The following TTLL5 variants were observed in gnomAD, a reference collection of about 807,000 sequenced individuals.
The protein encoded by TTLL5 is tubulin tyrosine ligase like 5, also known as tubulin polyglutamylase TTLL5.
TTLL5 carries 132 observed loss-of-function variants against 168.4 expected under a neutral mutation model. The ratio of observed to expected loss-of-function variants is 0.78; its 90% CI spans 0.68 to 0.91. The LOEUF (loss-of-function observed/expected upper bound fraction) is 0.91, where lower values mean the gene tolerates loss of function less well. Among genes scored for constraint, TTLL5 ranks in the 40% least tolerant of loss-of-function variants. TTLL5 has a pLI of 0.00. For synonymous variants in TTLL5, 546 were observed against 558.6 expected (o/e 0.98, Z 0.32); for missense variants, 1,545 against 1,581.5 (o/e 0.98, Z 0.39).
chr14:75,796,460 G>T (rs970122091), intron 27 of TTLL5, among the ~76,000 whole-genome samples: 1 of 152,018 alleles, frequency 6.6e-6, no homozygotes, highest in African/African-American at 2.4e-5. Flanking sequence ...TGTTTTTGTT[G>T]CATTTGCTTT....
At chr14:75,847,973 G>GTTTT (rs5809733) in intron 28 of TTLL5, among the ~76,000 whole-genome samples, 2 of 146,522 alleles carry the variant, frequency 1.4e-5, no homozygotes, top group African/African-American at 2.5e-5. Context: ...CTTTGGTGCT[G>GTTTT]TTTTTTTTTT....
At chr14:75,859,422 T>C (rs1474240690) in intron 28 of TTLL5, among the ~76,000 whole-genome samples, 1 of 152,228 alleles carries the variant, frequency 6.6e-6, no homozygotes, top group African/African-American at 2.4e-5. Flanking sequence ...ATTTGCAATA[T>C]TGTTGCCTAT....
At chr14:75,662,361 G>C (rs1422276267) in intron 1 of TTLL5, among the ~76,000 whole-genome samples, 2 of 149,444 alleles carry the variant, frequency 1.3e-5, no homozygotes, top group African/African-American at 2.5e-5. Context: ...GTTCACTCTT[G>C]TTGCCCAGGC....
At chr14:75,853,170 C>T (rs1896960705) in intron 28 of TTLL5, among the ~76,000 whole-genome samples, 1 of 152,234 alleles carries the variant, frequency 6.6e-6, no homozygotes, top group Admixed American at 6.5e-5. Context: ...TTCTGCCCTT[C>T]ATCCACAGGA....
At chr14:75,854,207 C>T (rs1473096041) in intron 28 of TTLL5, among the ~76,000 whole-genome samples, 1 of 152,198 alleles carries the variant, frequency 6.6e-6, no homozygotes, top group Non-Finnish European at 1.5e-5. Flanking sequence ...CTGCCCCTCC[C>T]CACTAGTAAT....
At chr14:75,738,971 AT>A (rs1245509645) in intron 15 of TTLL5, among the ~76,000 whole-genome samples, 1 of 151,812 alleles carries the variant, frequency 6.6e-6, no homozygotes, top group East Asian at 1.9e-4. Context: ...TGCCTGGCTA[AT>A]TTTTTGTATT....
At chr14:75,801,035 C>T (rs1249770856) in intron 27 of TTLL5, among the ~76,000 whole-genome samples, 1 of 152,054 alleles carries the variant, frequency 6.6e-6, no homozygotes, top group Middle Eastern at 3.2e-3. Context: ...CCTAAGGTCG[C>T]CTTGGTTAAG....
intron 28 of TTLL5, among the ~76,000 whole-genome samples, 160 bp from the exon 29 acceptor site, chr14:75,863,505 TAC>T (rs1422234621): frequency 6.6e-6 from 1 of 152,220 alleles, no homozygotes; most frequent in Non-Finnish European, 1.5e-5. Context: ...ATCATGGAGC[TAC>T]GGTTTAGTGG....
intron 6 of TTLL5, among the ~76,000 whole-genome samples, chr14:75,690,626 A>ATT (rs55821177): frequency 5.1e-4 from 75 of 147,044 alleles, no homozygotes; most frequent in Non-Finnish European, 6.1e-4. Context: ...TGTAAGTATT[A>ATT]TTTTTTTTTT....
At chr14:75,903,995 A>G (rs1376146469) in intron 31 of TTLL5, 3 of 702,748 alleles carry the variant, frequency 4.3e-6, no homozygotes, top group Non-Finnish European at 5.4e-6. Context: ...GAAGCAATAT[A>G]TAGGGAAGGC....
rs964705153 is a variant in TTLL5 at position 75,904,063 on chromosome 14, C to T, written c.3823+1839C>T. On this transcript the variant is annotated intron_variant, in intron 31 of 31. Coordinates refer to ENST00000298832, the MANE Select transcript of TTLL5 (RefSeq NM_015072.5). Reference sequence around the variant, plus strand: ...ACTACCTCATAACCTTTTCTCTTTCCACTCCCTGCTCATGCCCCAGTTCCC... The same window carrying T: ...ACTACCTCATAACCTTTTCTCTTTCTACTCCCTGCTCATGCCCCAGTTCCC... 5 of 1,204,626 alleles carry T rather than the reference C, an allele frequency of 4.2e-6. No homozygotes were observed. The Admixed American group carries it at 1.4e-4, about 35-fold the overall frequency. The allele number at this position is 1,204,626 out of a possible 1,614,324, so 74.6% of individuals were successfully genotyped here. A position where few individuals can be genotyped will look rare whatever the true frequency, so the allele number is the denominator to read the frequency against.
chr14:75,939,490 A>G (rs2034531529), intron 31 of TTLL5, among the ~76,000 whole-genome samples: 1 of 152,190 alleles, frequency 6.6e-6, no homozygotes, highest in Non-Finnish European at 1.5e-5. Context: ...GGCTCAAGCA[A>G]TCTTCCTGCC....
intron 9 of TTLL5, chr14:75,709,485 C>A: frequency 2.7e-6 from 1 of 365,922 alleles, no homozygotes; most frequent in Non-Finnish European, 5.2e-6. Context: ...TGGAGACTAC[C>A]AAAACTCCCT....
At chr14:75,805,699 A>T (rs562274287) in intron 27 of TTLL5, among the ~76,000 whole-genome samples, 48 of 152,358 alleles carry the variant, frequency 3.2e-4, no homozygotes, top group African/African-American at 1.1e-3. Flanking sequence ...AAATACTCAG[A>T]AAAGTCTTAA....
At chr14:75,859,564 T>C (rs1229630154) in intron 28 of TTLL5, among the ~76,000 whole-genome samples, 1 of 152,208 alleles carries the variant, frequency 6.6e-6, no homozygotes, top group Non-Finnish European at 1.5e-5. Context: ...AATTAGAAGA[T>C]ATTTACGGGG....
intron 31 of TTLL5, among the ~76,000 whole-genome samples, chr14:75,952,180 C>G (rs568966755): frequency 6.6e-6 from 1 of 152,154 alleles, no homozygotes; most frequent in Non-Finnish European, 1.5e-5. Context: ...GCATATAAAA[C>G]GATCCTCAAT....
intron 9 of TTLL5, among the ~76,000 whole-genome samples, chr14:75,715,487 A>AGAT (rs1887380597): frequency 6.6e-6 from 1 of 152,146 alleles, no homozygotes. Context: ...AATAGTGGTC[A>AGAT]GATGATGATG....
At chr14:75,720,773 TAG>T in intron 12 of TTLL5, 70 bp downstream of exon 12, 1 of 1,224,576 alleles carries the variant, frequency 8.2e-7, no homozygotes, top group Admixed American at 1.7e-5. Context: ...GATTTTAGGG[TAG>T]AGAGGCTTAG....
At chr14:75,700,552 A>G (rs976601698) in intron 7 of TTLL5, among the ~76,000 whole-genome samples, 1 of 152,160 alleles carries the variant, frequency 6.6e-6, no homozygotes, top group East Asian at 1.9e-4. Flanking sequence ...AGCTTACCCC[A>G]TGGAAAAATC....
Sources: gnomAD v4.1 joint callset for allele counts (sites outside exome capture counted in the v4.1 genomes callset) on GRCh38, gnomAD v4.1.1 for gene constraint, MANE v1.5 for transcripts, NCBI Gene and HGNC (gene_info 2026-07-23, HGNC 2026-07-21) for gene names.